Variants in KCNMA1 observed in about 807,000 individuals in gnomAD.
The protein encoded by KCNMA1 is Calcium-activated potassium channel subunit alpha-1.
KCNMA1 carries 29 observed loss-of-function variants against 140.0 expected under a neutral mutation model. The observed-to-expected ratio is 0.21, with a 90% CI of 0.15 to 0.28. The LOEUF is 0.28. KCNMA1 is among the 10% of genes least tolerant of loss of function. The pLI is 1.00. For synonymous variants in KCNMA1, 612 were observed against 611.9 expected (o/e 1.00, Z 0.00); for missense variants, 880 against 1,602.2 (o/e 0.55, Z 7.70).
intron 1 of KCNMA1, chr10:77,634,031 C>G: frequency 2.4e-6 from 1 of 412,566 alleles, no homozygotes; most frequent in Non-Finnish European, 3.3e-6. Flanking sequence ...AATCACAGAG[C>G]AGGAAGGGAC....
chr10:77,060,124 G>A (rs1003876468), intron 14 of KCNMA1, among the ~76,000 whole-genome samples: 2 of 152,168 alleles, frequency 1.3e-5, no homozygotes, highest in Non-Finnish European at 2.9e-5. Flanking sequence ...TAGTAAAGAT[G>A]TCAGTGCTCC....
chr10:77,065,771 T>G (rs1056776366), intron 14 of KCNMA1, among the ~76,000 whole-genome samples: 3 of 152,236 alleles, frequency 2.0e-5, no homozygotes, highest in Non-Finnish European at 4.4e-5. Flanking sequence ...ATGCACACTT[T>G]TATTATATTT....
chr10:76,977,965 T>C (rs2078192556), intron 19 of KCNMA1, among the ~76,000 whole-genome samples: 1 of 152,198 alleles, frequency 6.6e-6, no homozygotes, highest in South Asian at 2.1e-4. Flanking sequence ...AGATTAACCA[T>C]TAGACTAGAT....
chr10:77,269,292 T>C (rs926878703), intron 2 of KCNMA1, among the ~76,000 whole-genome samples: 2 of 152,228 alleles, frequency 1.3e-5, no homozygotes, highest in African/African-American at 2.4e-5. Flanking sequence ...CAGGGTGATG[T>C]TGAAATGGCA....
intron 1 of KCNMA1, among the ~76,000 whole-genome samples, chr10:77,633,674 AC>A (rs1373148347): frequency 4.6e-5 from 7 of 152,214 alleles, no homozygotes; most frequent in Non-Finnish European, 8.8e-5. Flanking sequence ...TTTCTCAGGC[AC>A]AGCCATGGAG....
chr10:76,943,339 G>A (rs1007068972), intron 23 of KCNMA1, among the ~76,000 whole-genome samples: 9 of 152,170 alleles, frequency 5.9e-5, no homozygotes, highest in Non-Finnish European at 1.3e-4. Context: ...GGAGGACGGT[G>A]GCATGGAGAG....
rs112685872 is a variant in KCNMA1 at position 77,312,368 on chromosome 10, G to A, written c.541-61112C>T. Among the ~76,000 whole-genome samples the A allele has an allele frequency of 8.4e-3, 1,272 of 152,324 alleles. 15 individuals carry two copies. The highest frequency in any genetic ancestry group is 0.029 in the African/African-American group (1,191 of 41,566). ...TGGCCGGCCGCGGTGGCTCATGCCC[G>A]TAATCCCAGCACTTTGGGAGGCCAA... On this transcript the variant is annotated intron_variant, in intron 2 of 27. Coordinates refer to ENST00000286628, the MANE Select transcript of KCNMA1 (RefSeq NM_001161352.2).
At chr10:77,058,524 T>A (rs2095625505) in intron 14 of KCNMA1, among the ~76,000 whole-genome samples, 1 of 152,108 alleles carries the variant, frequency 6.6e-6, no homozygotes, top group Admixed American at 6.5e-5. Context: ...AAAATGCACC[T>A]TAACAAATTT....
At chr10:77,615,206 T>G (rs2088956317) in intron 1 of KCNMA1, among the ~76,000 whole-genome samples, 1 of 152,166 alleles carries the variant, frequency 6.6e-6, no homozygotes, top group Non-Finnish European at 1.5e-5. Flanking sequence ...CTGGCCTTTC[T>G]TCTTTGTTCA....
chr10:77,159,999 A>T (rs1466296101), intron 5 of KCNMA1, among the ~76,000 whole-genome samples: 1 of 152,238 alleles, frequency 6.6e-6, no homozygotes, highest in Non-Finnish European at 1.5e-5. Flanking sequence ...GTTGAATGAA[A>T]CAAAATGAGC....
intron 5 of KCNMA1, among the ~76,000 whole-genome samples, chr10:77,173,569 G>A (rs1376928916): frequency 6.6e-6 from 1 of 152,076 alleles, no homozygotes; most frequent in African/African-American, 2.4e-5. Flanking sequence ...TTCTAGTTAT[G>A]GAAGCACTTT....
In KCNMA1 at chr10:77,021,969, C is replaced by T. The variant is rs1416954255; in HGVS notation, c.1929-2870G>A. Among the ~76,000 whole-genome samples, 5 of 152,330 alleles carry T rather than the reference C, an allele frequency of 3.3e-5. No individual in the cohort carries two copies. The East Asian group carries it at 9.6e-4, about 29-fold the overall frequency. ...TTTTCGACATTAAGTCTTCTATACACATTCCAAATCTAGAAAGTTTAAATA... is the reference window on the plus strand; with the variant it reads ...TTTTCGACATTAAGTCTTCTATACATATTCCAAATCTAGAAAGTTTAAATA... On this transcript the variant is annotated intron_variant, in intron 16 of 27. Transcript: ENST00000286628.
intron 2 of KCNMA1, among the ~76,000 whole-genome samples, chr10:77,331,749 A>T (rs1231914916): frequency 2.6e-5 from 4 of 151,878 alleles, no homozygotes; most frequent in Non-Finnish European, 5.9e-5. Context: ...CGGGAGGTCG[A>T]GGCTGCAGGG....
chr10:77,410,079 G>A (rs2096585205), intron 1 of KCNMA1, among the ~76,000 whole-genome samples: 1 of 152,132 alleles, frequency 6.6e-6, no homozygotes, highest in Non-Finnish European at 1.5e-5. Context: ...GAAGTCCTGT[G>A]CCACAAAGCC....
chr10:76,926,951 G>GCATC (rs1223966827), intron 23 of KCNMA1, among the ~76,000 whole-genome samples: 2 of 152,094 alleles, frequency 1.3e-5, no homozygotes, highest in African/African-American at 4.8e-5. Flanking sequence ...CAGGAGCCCT[G>GCATC]CATCCTTTCC....
intron 1 of KCNMA1, among the ~76,000 whole-genome samples, chr10:77,422,552 A>G (rs753870887): frequency 2.6e-5 from 4 of 152,174 alleles, no homozygotes; most frequent in Non-Finnish European, 5.9e-5. Context: ...AGGCACCTGT[A>G]ATGGGTTGCA....
intron 24 of KCNMA1, chr10:76,912,574 A>G (rs1252828951): frequency 6.6e-6 from 1 of 152,288 alleles, no homozygotes; most frequent in Non-Finnish European, 1.5e-5. Context: ...TTCTCTGAAC[A>G]CAAGGAAGAA....
chr10:77,637,621 C>T lies in KCNMA1; in HGVS notation c.22G>A (p.Gly8Ser), dbSNP rs988282616. Residue 8 changes from glycine (G) to serine (S), a missense_variant, in exon 1 of 28, where the codon GGC becomes AGC. Transcript: ENST00000286628. ...CCGCCGCCGCCGCTGCTGCCGCCGCCGCCGCCGCCACCATTTGCCATAGCT... is the reference window on the plus strand; with the variant it reads ...CCGCCGCCGCCGCTGCTGCCGCCGCTGCCGCCGCCACCATTTGCCATAGCT... MANGGGG[G>S]GGSSGGGGGG... The T allele has an allele frequency of 5.9e-6, 9 of 1,523,958 alleles. No homozygotes were observed. The highest frequency in any genetic ancestry group is 2.0e-5 in the Admixed American group (1 of 49,872). 94.4% of individuals were successfully genotyped at this position (1,523,958 alleles called of 1,614,324 possible). A position where few individuals can be genotyped will look rare whatever the true frequency, so the allele number is the denominator to read the frequency against.
intron 5 of KCNMA1, among the ~76,000 whole-genome samples, chr10:77,130,780 T>A (rs565759389): frequency 6.6e-6 from 1 of 152,128 alleles, no homozygotes; most frequent in Non-Finnish European, 1.5e-5. Context: ...TGTTAGAAAC[T>A]GACTTGGCAT....
Sources: gnomAD v4.1 joint callset for allele counts (sites outside exome capture counted in the v4.1 genomes callset) on GRCh38, gnomAD v4.1.1 for gene constraint, MANE v1.5 for transcripts, NCBI Gene and HGNC (gene_info 2026-07-23, HGNC 2026-07-21) for gene names.